KCTD17: variants seen among roughly 807,000 people sequenced by gnomAD.
KCTD17 encodes the protein potassium channel tetramerization domain containing 17, also known as BTB/POZ domain-containing protein KCTD17.
A neutral mutation model predicts 41.5 loss-of-function variants in KCTD17; 20 were observed. That is an observed-to-expected ratio of 0.48 (90% CI 0.34 to 0.70). The LOEUF (loss-of-function observed/expected upper bound fraction) is 0.70. KCTD17 is among the 30% of genes least tolerant of loss of function. The probability of loss-of-function intolerance (pLI) is 0.01; values close to 1 mark genes in which losing one functional copy is unlikely to be tolerated. For synonymous variants in KCTD17, 156 were observed against 173.8 expected, an observed-to-expected ratio of 0.90 and a Z score of 0.80; for missense variants, 317 against 427.2, an observed-to-expected ratio of 0.74 and a Z score of 2.27.
At position 37,057,511 on chromosome 22, in the gene KCTD17, G is replaced by T. The variant is rs770763960; in HGVS notation, c.486+18G>T. 7 of 1,600,450 alleles carry T rather than the reference G, an allele frequency of 4.4e-6. No homozygotes were observed. The highest frequency in any genetic ancestry group is 1.3e-5 in the African/African-American group (1 of 74,734). ...TCGAGCAGGTGCGCTGGGGACAGGG[G>T]CGTGCCACCAGGACAACCCTGGGAC... On this transcript the variant is annotated intron_variant, in intron 4 of 8. Coordinates refer to ENST00000403888, the MANE Select transcript of KCTD17 (RefSeq NM_001282684.2).
chr22:37,061,470 G>A lies in KCTD17; in HGVS notation c.785-69G>A. The stretch of plus-strand genomic sequence containing the variant: ...AACCCTGCCGGGCACCTCTGAGACT[G>A]GGCCCTGGCTGCAGGCCCTGCCCCC... On this transcript the variant is annotated intron_variant, in intron 7 of 8. Coordinates refer to ENST00000403888, the MANE Select transcript of KCTD17 (RefSeq NM_001282684.2). The surrounding 1 kb of genome is among the most constrained non-coding windows in gnomAD (Gnocchi z 6.6). 6.5e-7 allele frequency: 1 copy of A among 1,541,014 alleles called. No individual in the cohort carries two copies.
rs1277492895 is a variant in KCTD17 at position 37,061,013 on chromosome 22, C to T, written c.712+91C>T. 1.0e-5 allele frequency: 16 copies of T among 1,547,478 alleles called. No individual in the cohort carries two copies. Among genetic ancestry groups the T allele is most frequent in the Admixed American group, 9.8e-5 (5 of 50,826 alleles). ...GAGCCAGCTGCAGAACCGGGGGCCCCGGGGCTGCTGGGGGGGCACCAGGGT... is the reference window on the plus strand; with the variant it reads ...GAGCCAGCTGCAGAACCGGGGGCCCTGGGGCTGCTGGGGGGGCACCAGGGT... On this transcript the variant is annotated intron_variant, in intron 6 of 8. Transcript: ENST00000403888. This position sits in a 1 kb window ranked among gnomAD's most constrained non-coding sequence, Gnocchi z 6.6.
rs114399920 is a variant in KCTD17 at position 37,054,458 on chromosome 22, C to T, written c.298+1250C>T. 9.8e-3 allele frequency among the ~76,000 whole-genome samples: 1,453 copies of T among 148,876 alleles called. 26 individuals are homozygous for T. Among genetic ancestry groups the T allele is most frequent in the African/African-American group, 0.035 (1,413 of 40,068 alleles). ...GGCTAGGAGATCACACAGGGCTATC[C>T]GGAGGCTAGGGGATCACACAGGGCT... On this transcript the variant is annotated intron_variant, in intron 2 of 8. Coordinates refer to ENST00000403888, the MANE Select transcript of KCTD17 (RefSeq NM_001282684.2).
chr22:37,056,258 C>T, intron 2 of KCTD17, 62 bp from the exon 3 acceptor site: 1 of 1,446,712 alleles, frequency 6.9e-7, no homozygotes, highest in Non-Finnish European at 9.5e-7. Flanking sequence ...GTGGAGGGAA[C>T]AAGAGGAGAA....
intron 5 of KCTD17, among the ~76,000 whole-genome samples, chr22:37,059,734 G>T (rs1372662236): frequency 6.6e-6 from 1 of 152,220 alleles, no homozygotes; most frequent in Non-Finnish European, 1.5e-5. Flanking sequence ...TAGGGGTCAG[G>T]GCACAGTGTG....
At position 37,063,267 on chromosome 22, in the gene KCTD17, G is replaced by C. The variant is rs1268020573; in HGVS notation, c.*673G>C. On this transcript the variant is annotated 3_prime_UTR_variant, in exon 9 of 9. Coordinates refer to ENST00000403888, the MANE Select transcript of KCTD17 (RefSeq NM_001282684.2). The surrounding 1 kb of genome is among the most constrained non-coding windows in gnomAD (Gnocchi z 4.6). The stretch of plus-strand genomic sequence containing the variant: ...AGGGGCGGTGGAGGACTCAGGAACT[G>C]CCCGGGGAGAGTGGGTATGGCGGCT... 1 of 152,482 alleles carries C rather than the reference G, an allele frequency of 6.6e-6. No homozygotes were observed. The highest frequency in any genetic ancestry group is 1.5e-5 in the Non-Finnish European group (1 of 68,286). 9.4% of individuals were successfully genotyped at this position (152,482 alleles called of 1,614,324 possible).
At position 37,052,612 on chromosome 22, in the gene KCTD17, C is replaced by T. The variant is rs78329095; in HGVS notation, c.190-488C>T. On this transcript the variant is annotated intron_variant, in intron 1 of 8. Transcript: ENST00000403888. The stretch of plus-strand genomic sequence containing the variant: ...TGGCCTTTGGCAAGTCGCCTCACCT[C>T]TCAATGTCTCCGATCTCTCTGTAGA... 1,868 of 471,028 alleles carry T rather than the reference C, an allele frequency of 4.0e-3. 30 individuals are homozygous for T. Among genetic ancestry groups the T allele is most frequent in the African/African-American group, 0.035 (1,751 of 50,192 alleles). 29.2% of individuals were successfully genotyped at this position (471,028 alleles called of 1,614,324 possible).
chr22:37,056,157 A>G (rs1925080765), intron 2 of KCTD17, among the ~76,000 whole-genome samples, 163 bp from the exon 3 acceptor site: 1 of 152,152 alleles, frequency 6.6e-6, no homozygotes, highest in African/African-American at 2.4e-5. Context: ...GGATCCAAGG[A>G]AAGAAATGCT....
At position 37,057,451 on chromosome 22, in the gene KCTD17, G is replaced by A. The variant is rs750621399; in HGVS notation, c.444G>A (p.Thr148=). The change falls in exon 4 of 9, where the codon ACG becomes ACA. Residue 148 remains threonine (T), a synonymous_variant. Coordinates refer to ENST00000403888, the MANE Select transcript of KCTD17 (RefSeq NM_001282684.2). ...RVLQCQEEEL[T]QMVSTMSDGW... ...TGCAGTGCCAGGAGGAGGAGCTCACGCAAATGGTCTCCACCATGTCTGATG... is the reference window on the plus strand; with the variant it reads ...TGCAGTGCCAGGAGGAGGAGCTCACACAAATGGTCTCCACCATGTCTGATG... 45 of 1,613,164 alleles carry A rather than the reference G, an allele frequency of 2.8e-5. No individual in the cohort carries two copies. The highest frequency in any genetic ancestry group is 3.3e-5 in the Admixed American group (2 of 60,006).
intron 5 of KCTD17, 138 bp from the exon 6 acceptor site, chr22:37,060,685 C>T: frequency 2.3e-6 from 3 of 1,298,588 alleles, no homozygotes; most frequent in Admixed American, 3.1e-5. Context: ...CCCCCAGCTT[C>T]TGTGGCTGGA....
chr22:37,057,095 G>A (rs952632092), intron 3 of KCTD17, among the ~76,000 whole-genome samples: 1 of 152,154 alleles, frequency 6.6e-6, no homozygotes, highest in African/African-American at 2.4e-5. Context: ...CCCGTGTTCC[G>A]GTTCTGTCTC....
chr22:37,062,415 T>TCCCCCCCC, intron 8 of KCTD17, 110 bp from the exon 9 acceptor site: 1 of 1,126,492 alleles, frequency 8.9e-7, no homozygotes, highest in Non-Finnish European at 1.1e-6. Flanking sequence ...TCTCTCCCTC[T>TCCCCCCCC]CCCCCACCCG....
intron 1 of KCTD17, 151 bp from the exon 2 acceptor site, chr22:37,052,949 T>A: frequency 1.6e-6 from 1 of 628,388 alleles, no homozygotes. Context: ...TGAACTCAGG[T>A]CCATCTGACC....
chr22:37,054,453 C>CTA (rs1467942859), intron 2 of KCTD17, among the ~76,000 whole-genome samples: 1 of 151,480 alleles, frequency 6.6e-6, no homozygotes, highest in Non-Finnish European at 1.5e-5. Context: ...TCACACAGGG[C>CTA]TATCCGGAGG....
At chr22:37,054,300 C>T (rs1267080403) in intron 2 of KCTD17, among the ~76,000 whole-genome samples, 1 of 152,196 alleles carries the variant, frequency 6.6e-6, no homozygotes, top group Non-Finnish European at 1.5e-5. Context: ...AGCTGCGTCG[C>T]AGCCAGCACC....
chr22:37,055,524 G>T (rs143582237), intron 2 of KCTD17, among the ~76,000 whole-genome samples: 1 of 152,178 alleles, frequency 6.6e-6, no homozygotes, highest in Non-Finnish European at 1.5e-5. Flanking sequence ...CAAGGAAAGG[G>T]CCCAAAGGTC....
Position 37,062,718 on chromosome 22 carries a change from G to A in KCTD17, c.*124G>A, listed in dbSNP as rs1925942284. 1 of 1,501,506 alleles carries A rather than the reference G, an allele frequency of 6.7e-7. No individual in the cohort carries two copies. The highest frequency in any genetic ancestry group is 1.4e-5 in the African/African-American group (1 of 71,566). 93.0% of individuals were successfully genotyped at this position (1,501,506 alleles called of 1,614,324 possible). ...TACTCCTGCCTCCAGGGGCGGGGCG[G>A]GGCCCCCCTGGGACCTCTTAAGGCC... is the stretch of plus-strand genomic sequence containing the variant. On this transcript the variant is annotated 3_prime_UTR_variant, in exon 9 of 9. Transcript: ENST00000403888.
At chr22:37,058,958 C>G (rs951994189) in intron 4 of KCTD17, among the ~76,000 whole-genome samples, 3 of 152,250 alleles carry the variant, frequency 2.0e-5, no homozygotes, top group Non-Finnish European at 2.9e-5. Context: ...GAATGGGGGA[C>G]AGCCGCCCTT....
intron 1 of KCTD17, chr22:37,052,179 T>A: frequency 1.9e-6 from 1 of 529,166 alleles, no homozygotes; most frequent in Non-Finnish European, 3.1e-6. Flanking sequence ...CATTAGAAGC[T>A]CTCCAGCCGC....
Sources: gnomAD v4.1 joint callset for allele counts (sites outside exome capture counted in the v4.1 genomes callset) on GRCh38, gnomAD v4.1.1 for gene constraint, Gnocchi (gnomAD v3.1) non-coding constraint, MANE v1.5 for transcripts, NCBI Gene and HGNC (gene_info 2026-07-23, HGNC 2026-07-21) for gene names.